Variants in CCDC152 observed in about 807,000 individuals in gnomAD.
The protein encoded by CCDC152 is coiled-coil domain containing 152.
CCDC152 carries 37 observed loss-of-function variants against 38.1 expected under a neutral mutation model. The observed-to-expected ratio is 0.97, with a 90% CI of 0.75 to 1.28. The LOEUF (loss-of-function observed/expected upper bound fraction) is 1.28. Among genes scored for constraint, CCDC152 ranks in the 50% most tolerant of loss-of-function variants. The pLI is 0.00. For missense variants in CCDC152, 259 were observed against 292.1 expected, an observed-to-expected ratio of 0.89 and a Z score of 0.83; for synonymous variants, 83 against 87.1, an observed-to-expected ratio of 0.95 and a Z score of 0.26.
intron 6 of CCDC152, among the ~76,000 whole-genome samples, chr5:42,792,815 T>C (rs1326073257): frequency 6.6e-6 from 1 of 152,206 alleles, no homozygotes; most frequent in Non-Finnish European, 1.5e-5. Context: ...AAGCATGGCC[T>C]CAGCTTAAAT....
intron 1 of CCDC152, among the ~76,000 whole-genome samples, 189 bp from the exon 2 acceptor site, chr5:42,758,931 A>C (rs1385169101): frequency 6.6e-6 from 1 of 152,228 alleles, no homozygotes; most frequent in African/African-American, 2.4e-5. Flanking sequence ...GGTGGTAAGG[A>C]GTGGAAAAGA....
At position 42,801,358 on chromosome 5, in the gene CCDC152, T is replaced by A. The variant is rs1186589917; in HGVS notation, c.*1577T>A. 1 of 1,532,682 alleles carries A rather than the reference T, an allele frequency of 6.5e-7. No individual in the cohort carries two copies. Among genetic ancestry groups the A allele is most frequent in the South Asian group, 1.2e-5 (1 of 83,048 alleles). The allele number at this position is 1,532,682 out of a possible 1,614,324, so 94.9% of individuals were successfully genotyped here. On this transcript the variant is annotated 3_prime_UTR_variant, in exon 9 of 9. Coordinates refer to ENST00000361970, the MANE Select transcript of CCDC152 (RefSeq NM_001134848.2). ...TGGAACAAATTTATAAATCACTTTTTAACAAGCTTATAGAGATAGGAATAA... is the reference window on the plus strand; with the variant it reads ...TGGAACAAATTTATAAATCACTTTTAAACAAGCTTATAGAGATAGGAATAA...
chr5:42,772,882 T>A (rs1433197252), intron 4 of CCDC152, among the ~76,000 whole-genome samples: 1 of 152,194 alleles, frequency 6.6e-6, no homozygotes, highest in Admixed American at 6.5e-5. Context: ...ATAGCTCTTT[T>A]CTCTCCTTAA....
chr5:42,798,727 G>A (rs1013168272), intron 7 of CCDC152, among the ~76,000 whole-genome samples: 2 of 152,116 alleles, frequency 1.3e-5, no homozygotes, highest in African/African-American at 4.8e-5. Flanking sequence ...AGTCCTCAGA[G>A]AGGCTATGTT....
intron 6 of CCDC152, among the ~76,000 whole-genome samples, chr5:42,785,854 A>G (rs1482833100): frequency 6.6e-6 from 1 of 152,128 alleles, no homozygotes; most frequent in Non-Finnish European, 1.5e-5. Flanking sequence ...ATTTTACCAA[A>G]TGCTTTTTCT....
intron 4 of CCDC152, among the ~76,000 whole-genome samples, chr5:42,777,118 G>GT (rs1323290021): frequency 4.6e-5 from 7 of 152,142 alleles, no homozygotes. Flanking sequence ...ACTAAAAGCT[G>GT]TTTTTTTGAA....
chr5:42,790,639 A>G (rs907074440), intron 6 of CCDC152, among the ~76,000 whole-genome samples: 2 of 152,216 alleles, frequency 1.3e-5, no homozygotes, highest in African/African-American at 4.8e-5. Flanking sequence ...AGTCTGTAAT[A>G]CAGGTTTAAC....
intron 1 of CCDC152, among the ~76,000 whole-genome samples, chr5:42,758,053 A>T (rs370792883): frequency 2.0e-5 from 3 of 152,346 alleles, no homozygotes; most frequent in African/African-American, 7.2e-5. Context: ...TGTAAGGATC[A>T]AGTTTTAACT....
chr5:42,762,525 CA>C lies in CCDC152; in HGVS notation c.173del (p.Lys58ArgfsTer15). ...KSNCLLKVMQ[A>X]KEVSIKEECA... is the part of the protein sequence containing the mutation. ...AATTGCCTATTAAAAGTAATGCAAG[CA>C]AAGGAGGTCTCCATTAAAGAAGGTT... On this transcript the variant is annotated frameshift_variant, in exon 3 of 9. Transcript: ENST00000361970. LOFTEE classifies it high-confidence loss of function. 1 of 1,527,390 alleles carries C rather than the reference CA, an allele frequency of 6.5e-7. No homozygotes were observed. The highest frequency in any genetic ancestry group is 8.9e-7 in the Non-Finnish European group (1 of 1,125,322). The allele number at this position is 1,527,390 out of a possible 1,614,324, so 94.6% of individuals were successfully genotyped here.
chr5:42,792,908 G>A lies in CCDC152; in HGVS notation c.431-3921G>A, dbSNP rs538407284. Among the ~76,000 whole-genome samples the A allele has an allele frequency of 2.8e-4, 42 of 152,218 alleles. 3 individuals are homozygous for A. The highest frequency in any genetic ancestry group is 7.2e-4 in the African/African-American group (30 of 41,532). On this transcript the variant is annotated intron_variant, in intron 6 of 8. Transcript: ENST00000361970. Reference sequence around the variant, plus strand: ...GATCTGAGAGGCTCATTGTCATGGCGCCACATAACACACCATCTGACCCAG... The same window carrying A: ...GATCTGAGAGGCTCATTGTCATGGCACCACATAACACACCATCTGACCCAG...
intron 4 of CCDC152, among the ~76,000 whole-genome samples, chr5:42,772,068 A>C (rs1409809634): frequency 8.5e-5 from 13 of 152,176 alleles, no homozygotes. Flanking sequence ...TATCCTAACC[A>C]AGTGGGATTT....
intron 2 of CCDC152, among the ~76,000 whole-genome samples, chr5:42,761,272 T>A (rs918592456): frequency 6.6e-6 from 1 of 152,204 alleles, no homozygotes; most frequent in African/African-American, 2.4e-5. Flanking sequence ...AGAGACTGGT[T>A]AAATAAATTA....
At chr5:42,791,265 C>T (rs1759996381) in intron 6 of CCDC152, among the ~76,000 whole-genome samples, 1 of 152,208 alleles carries the variant, frequency 6.6e-6, no homozygotes, top group African/African-American at 2.4e-5. Context: ...CACATCAAGT[C>T]TTTTTGGCTG....
chr5:42,801,074 T>G lies in CCDC152; in HGVS notation c.*1293T>G. ...GTAAATCTTGTAAATCTTCACTTGC[T>G]GGCATATCTCGGTTCTCTGGGTGAC... On this transcript the variant is annotated 3_prime_UTR_variant, in exon 9 of 9. Coordinates refer to ENST00000361970, the MANE Select transcript of CCDC152 (RefSeq NM_001134848.2). 1.2e-6 allele frequency: 2 copies of G among 1,614,252 alleles called. No homozygotes were observed. Among genetic ancestry groups the G allele is most frequent in the Non-Finnish European group, 1.7e-6 (2 of 1,180,032 alleles).
At chr5:42,769,764 G>C in intron 4 of CCDC152, 99 bp downstream of exon 4, 1 of 1,320,828 alleles carries the variant, frequency 7.6e-7, no homozygotes, top group East Asian at 3.0e-5. Context: ...ATTTCAATTT[G>C]TCAGCTAAAA....
chr5:42,779,627 T>C, intron 5 of CCDC152, 105 bp downstream of exon 5: 1 of 654,050 alleles, frequency 1.5e-6, no homozygotes, highest in Non-Finnish European at 2.6e-6. Flanking sequence ...AGCCAAATGT[T>C]TGTGGGTGTG....
intron 4 of CCDC152, among the ~76,000 whole-genome samples, chr5:42,771,326 T>C (rs1319915250): frequency 6.6e-6 from 1 of 151,894 alleles, no homozygotes; most frequent in Non-Finnish European, 1.5e-5. Flanking sequence ...AAAATATATA[T>C]ATATCCAATA....
intron 4 of CCDC152, among the ~76,000 whole-genome samples, chr5:42,773,023 CTA>C (rs1258207257): frequency 6.6e-6 from 1 of 152,182 alleles, no homozygotes; most frequent in Non-Finnish European, 1.5e-5. Context: ...AAGAGATGGA[CTA>C]TGTTCTTCTG....
intron 1 of CCDC152, among the ~76,000 whole-genome samples, chr5:42,757,492 T>C (rs138503307): frequency 6.6e-6 from 1 of 152,238 alleles, no homozygotes; most frequent in East Asian, 1.9e-4. Context: ...CACTTGCCTG[T>C]GGGGACGGTT....
Sources: allele counts gnomAD v4.1 joint callset (sites outside exome capture counted in the v4.1 genomes callset), GRCh38; gene constraint gnomAD v4.1.1; transcripts MANE v1.5; gene names NCBI Gene and HGNC (gene_info 2026-07-23, HGNC 2026-07-21).